APBA1: variants seen among roughly 807,000 people sequenced by gnomAD.
The protein encoded by APBA1 is amyloid beta precursor protein binding family A member 1.
In APBA1, 55 loss-of-function variants were observed where a neutral mutation model predicts 86.6. The observed-to-expected ratio is 0.64, with a 90% CI of 0.51 to 0.80. The LOEUF (loss-of-function observed/expected upper bound fraction) is 0.80, where lower values mean the gene tolerates loss of function less well. Ranked by LOEUF, APBA1 falls within the 30% of genes least tolerant of loss-of-function variation. APBA1 has a pLI of 0.00. For missense variants in APBA1, 1,090 were observed against 1,183.0 expected (o/e 0.92, Z 1.15); for synonymous variants, 511 against 493.9 (o/e 1.03, Z -0.46).
rs756349683 is a variant in APBA1, at chr9:69,517,116, G to C, written c.95C>G (p.Pro32Arg). Reference sequence around the variant, plus strand: ...CTGCTGCTGTTCCTCTTCCACCTCGGGGTGCTCCAGGTCGGCCTCCACCGA... The same window carrying C: ...CTGCTGCTGTTCCTCTTCCACCTCGCGGTGCTCCAGGTCGGCCTCCACCGA... ...NESVEADLEH[P>R]EVEEEQQQPP... The change falls in exon 2 of 13, where the codon CCC (proline) becomes CGC (arginine). Residue 32 changes from proline (P) to arginine (R), a missense_variant. Coordinates refer to ENST00000265381, the MANE Select transcript of APBA1 (RefSeq NM_001163.4). 13 of 1,574,008 alleles carry C rather than the reference G, an allele frequency of 8.3e-6. No individual in the cohort carries two copies. Among genetic ancestry groups the C allele is most frequent in the South Asian group, 5.8e-5 (5 of 86,372 alleles).
At chr9:69,444,064 AT>A (rs1846035582) in intron 10 of APBA1, among the ~76,000 whole-genome samples, 1 of 151,846 alleles carries the variant, frequency 6.6e-6, no homozygotes, top group Non-Finnish European at 1.5e-5. Context: ...ATGGAACTCA[AT>A]TTCCCCGCCG....
intron 4 of APBA1, among the ~76,000 whole-genome samples, chr9:69,469,054 T>A (rs1835325986): frequency 6.6e-6 from 1 of 151,928 alleles, no homozygotes; most frequent in Non-Finnish European, 1.5e-5. Flanking sequence ...AGAGATGGGG[T>A]TTTGCCATGT....
intron 2 of APBA1, among the ~76,000 whole-genome samples, chr9:69,513,530 C>T (rs1247152877): frequency 1.3e-5 from 2 of 152,208 alleles, no homozygotes; most frequent in Non-Finnish European, 2.9e-5. Flanking sequence ...ACCTCATTTG[C>T]AAAATGCTTG....
At chr9:69,462,168 G>A (rs1246511766) in intron 5 of APBA1, 1 of 152,176 alleles carries the variant, frequency 6.6e-6, no homozygotes, top group Non-Finnish European at 1.5e-5. Flanking sequence ...AATACAGGAA[G>A]AATGGAGACA....
chr9:69,496,969 A>G (rs1425309338), intron 2 of APBA1, among the ~76,000 whole-genome samples: 1 of 152,070 alleles, frequency 6.6e-6, no homozygotes, highest in Non-Finnish European at 1.5e-5. Flanking sequence ...TATTACTCAG[A>G]AATGACCAGC....
chr9:69,670,836 C>G (rs145507788), intron 1 of APBA1, among the ~76,000 whole-genome samples: 97 of 152,192 alleles, frequency 6.4e-4, no homozygotes, highest in African/African-American at 2.3e-3. Context: ...CGCTGTGGGT[C>G]TCAGGAGATT....
At chr9:69,654,802 C>T (rs1823576458) in intron 1 of APBA1, among the ~76,000 whole-genome samples, 1 of 152,162 alleles carries the variant, frequency 6.6e-6, no homozygotes, top group Admixed American at 6.5e-5. Context: ...ATGCAATAAT[C>T]TTCAACCGAA....
chr9:69,525,487 G>A (rs550599379), intron 1 of APBA1, among the ~76,000 whole-genome samples: 49 of 151,790 alleles, frequency 3.2e-4, no homozygotes, highest in African/African-American at 1.2e-3. Flanking sequence ...TCAAATACCT[G>A]TGCCCCCCAC....
At chr9:69,522,604 A>G (rs1282705701) in intron 1 of APBA1, among the ~76,000 whole-genome samples, 1 of 152,214 alleles carries the variant, frequency 6.6e-6, no homozygotes, top group Non-Finnish European at 1.5e-5. Context: ...TCTGACAGTT[A>G]TGATACCTGG....
At chr9:69,606,531 G>T (rs995887158) in intron 1 of APBA1, among the ~76,000 whole-genome samples, 1 of 114,494 alleles carries the variant, frequency 8.7e-6, no homozygotes, top group African/African-American at 3.3e-5. Context: ...TCGCTCTGTC[G>T]CCCAGGCTGG....
intron 1 of APBA1, among the ~76,000 whole-genome samples, chr9:69,584,403 T>G (rs1428665250): frequency 1.3e-5 from 2 of 152,224 alleles, no homozygotes; most frequent in African/African-American, 4.8e-5. Flanking sequence ...CTATCCTCTA[T>G]TCACTCAATA....
intron 1 of APBA1, among the ~76,000 whole-genome samples, chr9:69,541,258 C>A (rs1380351263): frequency 6.7e-6 from 1 of 149,176 alleles, no homozygotes; most frequent in Non-Finnish European, 1.5e-5. Context: ...GGGACCCCCC[C>A]CCCCATTCTG....
chr9:69,538,195 A>C (rs1451545601), intron 1 of APBA1, among the ~76,000 whole-genome samples: 1 of 152,264 alleles, frequency 6.6e-6, no homozygotes, highest in Non-Finnish European at 1.5e-5. Flanking sequence ...TGGGCAGGAA[A>C]TTCTAAAATC....
At chr9:69,503,202 T>C (rs1835904537) in intron 2 of APBA1, among the ~76,000 whole-genome samples, 1 of 152,156 alleles carries the variant, frequency 6.6e-6, no homozygotes, top group South Asian at 2.1e-4. Context: ...CTTTGGTCAG[T>C]GAGTCATCTC....
chr9:69,511,261 A>G (rs1836033894), intron 2 of APBA1, among the ~76,000 whole-genome samples: 1 of 152,250 alleles, frequency 6.6e-6, no homozygotes, highest in African/African-American at 2.4e-5. Flanking sequence ...AAGTGGCCGA[A>G]GGACATGAAC....
intron 1 of APBA1, among the ~76,000 whole-genome samples, chr9:69,655,659 G>T (rs1361740637): frequency 1.3e-5 from 2 of 152,022 alleles, no homozygotes; most frequent in Non-Finnish European, 2.9e-5. Context: ...TGTATCTACA[G>T]ATCCAACACA....
intron 1 of APBA1, among the ~76,000 whole-genome samples, chr9:69,530,349 C>CAT: frequency 6.8e-6 from 1 of 146,558 alleles, no homozygotes; most frequent in South Asian, 2.1e-4. Context: ...CACACACACA[C>CAT]ACACACACAT....
intron 1 of APBA1, among the ~76,000 whole-genome samples, chr9:69,608,225 T>C (rs1041992771): frequency 2.6e-5 from 4 of 152,236 alleles, no homozygotes; most frequent in Non-Finnish European, 4.4e-5. Flanking sequence ...ATTACAATGA[T>C]GAACACTGTT....
At chr9:69,585,092 C>G (rs1391807180) in intron 1 of APBA1, among the ~76,000 whole-genome samples, 1 of 152,130 alleles carries the variant, frequency 6.6e-6, no homozygotes, top group East Asian at 1.9e-4. Flanking sequence ...CACTGGGAAC[C>G]CAGTAGTGAA....
Sources: allele counts gnomAD v4.1 joint callset (sites outside exome capture counted in the v4.1 genomes callset), GRCh38; gene constraint gnomAD v4.1.1; transcripts MANE v1.5; gene names NCBI Gene and HGNC (gene_info 2026-07-23, HGNC 2026-07-21).